The following POLE variants were observed in gnomAD, a reference collection of about 807,000 sequenced individuals.
POLE encodes DNA polymerase epsilon catalytic subunit A.
In POLE, 188 loss-of-function variants were observed where a neutral mutation model predicts 279.2. That is an observed-to-expected ratio of 0.67 (90% confidence interval 0.60 to 0.76). The LOEUF (loss-of-function observed/expected upper bound fraction) is 0.76. Ranked by LOEUF, POLE falls within the 30% of genes least tolerant of loss-of-function variation. The probability of loss-of-function intolerance (pLI) is 0.00; values close to 1 mark genes in which losing one functional copy is unlikely to be tolerated. For missense variants in POLE, 2,703 were observed against 3,016.7 expected (o/e 0.90, Z 2.44); for synonymous variants, 1,214 against 1,172.5 (o/e 1.04, Z -0.72).
At position 132,675,883 on chromosome 12, in the gene POLE, C is replaced by T. The variant is rs2136012656; in HGVS notation, c.1021-63G>A. On this transcript the variant is annotated intron_variant, in intron 10 of 48. Transcript: ENST00000320574. This position sits in a 1 kb window ranked among gnomAD's most constrained non-coding sequence, Gnocchi z 4.3. ...CTCTTCTTCAAGCTATTCCAAATTC[C>T]TCTCCCAAAGTTCAGAAGCAGCAGC... 7.2e-7 allele frequency: 1 copy of T among 1,391,258 alleles called. No homozygotes were observed. The highest frequency in any genetic ancestry group is 1.0e-6 in the Non-Finnish European group (1 of 978,468). 86.2% of individuals were successfully genotyped at this position (1,391,258 alleles called of 1,614,324 possible).
chr12:132,646,097 A>G (rs886833609), intron 32 of POLE, among the ~76,000 whole-genome samples: 10 of 152,212 alleles, frequency 6.6e-5, no homozygotes, highest in South Asian at 2.1e-4. Flanking sequence ...GGGCATGTCA[A>G]AAGGACTCAG....
Position 132,639,407 on chromosome 12 carries a change from A to G in POLE, c.5379-109T>C. The G allele has an allele frequency of 9.8e-7, 1 of 1,018,570 alleles. No homozygotes were observed. Among genetic ancestry groups the G allele is most frequent in the East Asian group, 2.6e-5 (1 of 39,204 alleles). The allele number at this position is 1,018,570 out of a possible 1,614,324, so 63.1% of individuals were successfully genotyped here. A position where few individuals can be genotyped will look rare whatever the true frequency, so the allele number is the denominator to read the frequency against. On this transcript the variant is annotated intron_variant, in intron 39 of 48. Coordinates refer to ENST00000320574, the MANE Select transcript of POLE (RefSeq NM_006231.4). The surrounding 1 kb of genome is among the most constrained non-coding windows in gnomAD (Gnocchi z 4.7). ...AGGTTTTCCCTACACGGCTGGGTCC[A>G]AATCCGTCACTGTCGCCTCCCCTTC...
In POLE at chr12:132,686,800, T is replaced by C. The variant is rs903523555; in HGVS notation, c.62+454A>G. Among the ~76,000 whole-genome samples, 19 of 150,598 alleles carry C rather than the reference T, an allele frequency of 1.3e-4. 2 individuals carry two copies. Among genetic ancestry groups the C allele is most frequent in the East Asian group, 1.2e-3 (6 of 4,874 alleles). ...CCCAGGCTGATCTAGAACAGGATCCTGGGCTCCAGCGATCCGCCCGCCTCG... is the reference window on the plus strand; with the variant it reads ...CCCAGGCTGATCTAGAACAGGATCCCGGGCTCCAGCGATCCGCCCGCCTCG... On this transcript the variant is annotated intron_variant, in intron 1 of 48. Transcript: ENST00000320574.
At chr12:132,676,723 C>T (rs1047375491) in intron 8 of POLE, 70 bp from the exon 9 acceptor site, 14 of 940,162 alleles carry the variant, frequency 1.5e-5, no homozygotes, top group South Asian at 1.1e-4. Context: ...CACCCACCCC[C>T]AGCCTGCTCT....
intron 45 of POLE, among the ~76,000 whole-genome samples, chr12:132,626,664 C>T (rs5745063): frequency 3.3e-5 from 5 of 151,988 alleles, no homozygotes; most frequent in Non-Finnish European, 7.4e-5. Flanking sequence ...CAATAACAGC[C>T]TGAGCACAGA....
chr12:132,674,635 C>CCCT lies in POLE; in HGVS notation c.1226+760_1226+762dup, dbSNP rs5744764. ...CATGACAGATCCTGAATCCTCACAA[C>CCCT]CCTCACTCCCTGCCTTGGATCAGGA... is the stretch of plus-strand genomic sequence containing the variant. On this transcript the variant is annotated intron_variant, in intron 12 of 48. Transcript: ENST00000320574. 4.5e-3 allele frequency among the ~76,000 whole-genome samples: 686 copies of CCCT among 152,308 alleles called. 4 individuals carry two copies. The highest frequency in any genetic ancestry group is 0.035 in the South Asian group (171 of 4,826).
intron 1 of POLE, among the ~76,000 whole-genome samples, chr12:132,682,669 G>A (rs1418360436): frequency 6.6e-6 from 1 of 151,990 alleles, no homozygotes; most frequent in Non-Finnish European, 1.5e-5. Context: ...AAAAGGTTGA[G>A]GGCCAGGCGC....
chr12:132,626,024 C>T, intron 46 of POLE, 93 bp downstream of exon 46: 1 of 1,307,178 alleles, frequency 7.7e-7, no homozygotes, highest in Non-Finnish European at 1.1e-6. Flanking sequence ...CAGGTGTGAC[C>T]CACAGAGCTG....
chr12:132,635,359 C>G (rs1386546125), intron 42 of POLE, among the ~76,000 whole-genome samples: 1 of 152,246 alleles, frequency 6.6e-6, no homozygotes, highest in African/African-American at 2.4e-5. Flanking sequence ...CCCAGCATCT[C>G]CCTGACACAG....
At chr12:132,631,072 G>C (rs1284914502) in intron 45 of POLE, among the ~76,000 whole-genome samples, 1 of 152,214 alleles carries the variant, frequency 6.6e-6, no homozygotes, top group African/African-American at 2.4e-5. Flanking sequence ...TTCCACCAGT[G>C]AATGAAAAGC....
At position 132,667,560 on chromosome 12, in the gene POLE, G is replaced by T; in HGVS notation, c.2262C>A (p.Tyr754Ter). 1 of 1,613,764 alleles carries T rather than the reference G, an allele frequency of 6.2e-7. No individual in the cohort carries two copies. Among genetic ancestry groups the T allele is most frequent in the Non-Finnish European group, 8.5e-7 (1 of 1,179,944 alleles). The stretch of plus-strand genomic sequence containing the variant: ...CCCGGAAGGCACGCACGGTGTCCAC[G>T]TAGAAGGAGTTTTCCCGCTGGCAGA... Reference protein sequence around the residue: ...TTICQRENSFYVDTVRAFRDR... With the variant: ...TTICQRENSF The change falls in exon 20 of 49, where the codon TAC becomes TAA. Residue 754 changes from tyrosine to a stop codon, truncating the protein, a stop_gained. Transcript: ENST00000320574. LOFTEE classifies it high-confidence loss of function.
At chr12:132,625,827 T>A in intron 46 of POLE, 57 bp from the exon 47 acceptor site, 1 of 1,585,380 alleles carries the variant, frequency 6.3e-7, no homozygotes, top group South Asian at 1.1e-5. Flanking sequence ...CACAGTGCCA[T>A]GGGCAGGATC....
intron 29 of POLE, chr12:132,650,647 A>T (rs867294973): frequency 1.3e-5 from 2 of 152,172 alleles, no homozygotes; most frequent in African/African-American, 4.8e-5. Flanking sequence ...ACCGAAAAAT[A>T]AAACGTCACT....
chr12:132,625,543 C>G, intron 47 of POLE, 102 bp downstream of exon 47: 4 of 1,452,748 alleles, frequency 2.8e-6, no homozygotes, highest in Non-Finnish European at 3.8e-6. Flanking sequence ...TGGAAGACAC[C>G]AGGGCGTGCC....
Position 132,668,739 on chromosome 12 carries a change from T to A in POLE, c.1924-2A>T, listed in dbSNP as rs1424962946. On this transcript the variant is annotated splice_acceptor_variant, in intron 17 of 48. Transcript: ENST00000320574. LOFTEE classifies it high-confidence loss of function. This position sits in a 1 kb window ranked among gnomAD's most constrained non-coding sequence, Gnocchi z 4.0. ...GGCTTCGTCCACCATGGCAGAGGGC[T>A]GGGAGGGGTGAGAAAGCACTTAGGG... is the stretch of plus-strand genomic sequence containing the variant. 1 of 1,613,774 alleles carries A rather than the reference T, an allele frequency of 6.2e-7. No individual in the cohort carries two copies. Among genetic ancestry groups the A allele is most frequent in the Non-Finnish European group, 8.5e-7 (1 of 1,179,788 alleles).
intron 32 of POLE, among the ~76,000 whole-genome samples, chr12:132,645,815 CAA>C (rs1438415958): frequency 3.6e-5 from 5 of 137,080 alleles, no homozygotes; most frequent in African/African-American, 1.5e-4. Context: ...CACACACACA[CAA>C]AATCAAAGAA....
intron 47 of POLE, 22 bp downstream of exon 47, chr12:132,625,623 G>T: frequency 6.2e-7 from 1 of 1,611,888 alleles, no homozygotes. Context: ...GGGCACACGG[G>T]CAGGCGGCAT....
At chr12:132,641,444 T>C in intron 39 of POLE, 1 of 595,304 alleles carries the variant, frequency 1.7e-6, no homozygotes, top group Non-Finnish European at 3.0e-6. Flanking sequence ...GGCAGCACAC[T>C]GAACAGTCGC....
rs1464485961 is a variant in POLE, at chr12:132,649,471, C to A, written c.3840G>T (p.Gln1280His). 6.2e-7 allele frequency: 1 copy of A among 1,612,420 alleles called. No individual in the cohort carries two copies. Among genetic ancestry groups the A allele is most frequent in the South Asian group, 1.1e-5 (1 of 91,076 alleles). Residue 1280 changes from glutamine to histidine, a missense_variant, in exon 31 of 49, where the codon CAG becomes CAT. Around this residue, in one of 5 missense-constraint regions of POLE, gnomAD observed 1,551 missense variants for 1,686.1 expected, o/e 0.92. Coordinates refer to ENST00000320574, the MANE Select transcript of POLE (RefSeq NM_006231.4). Reference protein sequence around the residue: ...VWLRFHKKKWQLQARQRLARR... With the variant: ...VWLRFHKKKWHLQARQRLARR... ...GGGCGAGGCGCTGCCGGGCCTGCAG[C>A]TGCCACTTCTTCTTGTGGAACCGGA...
Sources: gnomAD v4.1 joint callset for allele counts (sites outside exome capture counted in the v4.1 genomes callset) on GRCh38, gnomAD v4.1.1 for gene constraint, gnomAD v4.1.1 regional missense constraint, Gnocchi (gnomAD v3.1) non-coding constraint, MANE v1.5 for transcripts, NCBI Gene and HGNC (gene_info 2026-07-23, HGNC 2026-07-21) for gene names.